GRM7: variants seen among roughly 807,000 people sequenced by gnomAD.
GRM7 encodes glutamate metabotropic receptor 7.
Under a neutral mutation model 84.5 loss-of-function variants are expected in GRM7, and 35 were observed. That is an observed-to-expected ratio of 0.41 (90% CI 0.32 to 0.55). GRM7 has a LOEUF of 0.55. Among genes scored for constraint, GRM7 ranks in the 20% least tolerant of loss-of-function variants. The probability of loss-of-function intolerance (pLI) is 0.19; values close to 1 mark genes in which losing one functional copy is unlikely to be tolerated. For synonymous variants in GRM7, 487 were observed against 455.1 expected, an observed-to-expected ratio of 1.07 and a Z score of -0.89; for missense variants, 1,003 against 1,194.6, an observed-to-expected ratio of 0.84 and a Z score of 2.36.
chr3:7,611,463 T>C (rs1375398206), intron 8 of GRM7, among the ~76,000 whole-genome samples: 1 of 152,138 alleles, frequency 6.6e-6, no homozygotes. Context: ...TCTCCCTGTC[T>C]CCACTGCTGC....
intron 1 of GRM7, among the ~76,000 whole-genome samples, chr3:7,035,362 A>C (rs925995278): frequency 3.9e-5 from 6 of 152,168 alleles, no homozygotes; most frequent in African/African-American, 1.4e-4. Flanking sequence ...CTGAGATAAA[A>C]TATGGTCACG....
At chr3:7,096,304 A>G (rs1440515576) in intron 1 of GRM7, among the ~76,000 whole-genome samples, 1 of 152,122 alleles carries the variant, frequency 6.6e-6, no homozygotes, top group Non-Finnish European at 1.5e-5. Flanking sequence ...CTTTAATTCA[A>G]TAGCCATACT....
chr3:7,590,394 C>T (rs575388115), intron 8 of GRM7, among the ~76,000 whole-genome samples: 7 of 152,266 alleles, frequency 4.6e-5, no homozygotes, highest in South Asian at 4.1e-4. Flanking sequence ...CAGCCTCATC[C>T]ATTCATCTAC....
chr3:7,657,669 A>G (rs1045275803), intron 8 of GRM7, among the ~76,000 whole-genome samples: 1 of 152,192 alleles, frequency 6.6e-6, no homozygotes, highest in Non-Finnish European at 1.5e-5. Context: ...AGCTCTCAGA[A>G]CGAATCACAC....
intron 7 of GRM7, among the ~76,000 whole-genome samples, chr3:7,496,687 T>C (rs147463917): frequency 0.013 from 1,925 of 152,156 alleles, 17 homozygotes; most frequent in Middle Eastern, 0.034. Context: ...GGTTATATAA[T>C]ATAATGCCCT....
chr3:6,937,945 T>G (rs1396912881), intron 1 of GRM7, among the ~76,000 whole-genome samples: 1 of 152,200 alleles, frequency 6.6e-6, no homozygotes, highest in African/African-American at 2.4e-5. Flanking sequence ...AGTCTCTTAA[T>G]AAGTAAATAC....
At chr3:7,264,159 A>C (rs1480745241) in intron 2 of GRM7, among the ~76,000 whole-genome samples, 1 of 152,136 alleles carries the variant, frequency 6.6e-6, no homozygotes, top group African/African-American at 2.4e-5. Flanking sequence ...GATCCTGGAA[A>C]AGGCCAACAT....
intron 1 of GRM7, among the ~76,000 whole-genome samples, chr3:6,867,375 G>A (rs949126138): frequency 6.6e-6 from 1 of 152,060 alleles, no homozygotes; most frequent in African/African-American, 2.4e-5. Context: ...ATTGATTTCA[G>A]CCTTTGTGAT....
At chr3:7,550,330 T>C in intron 7 of GRM7, among the ~76,000 whole-genome samples, 1 of 132,556 alleles carries the variant, frequency 7.5e-6, no homozygotes, top group Non-Finnish European at 1.6e-5. Context: ...CTTCCTCCCT[T>C]TCACCTTCCC....
intron 7 of GRM7, among the ~76,000 whole-genome samples, chr3:7,507,489 G>A (rs182629472): frequency 1.3e-5 from 2 of 152,310 alleles, no homozygotes; most frequent in East Asian, 3.9e-4. Flanking sequence ...CCAAAGATTT[G>A]TCAGACTAAA....
At chr3:6,998,138 A>AAAAAAAAAAAAGAAAAAAAAAGAC in intron 1 of GRM7, among the ~76,000 whole-genome samples, 1 of 148,448 alleles carries the variant, frequency 6.7e-6, no homozygotes, top group African/African-American at 2.5e-5. Flanking sequence ...AAAAAAAAAA[A>AAAAAAAAAAAAGAAAAAAAAAGAC]AGCAGGTTAG....
intron 1 of GRM7, among the ~76,000 whole-genome samples, chr3:6,941,179 G>A (rs1288308530): frequency 6.6e-6 from 1 of 152,118 alleles, no homozygotes; most frequent in Non-Finnish European, 1.5e-5. Flanking sequence ...TATCTTATGT[G>A]CCACTTACAC....
chr3:6,911,577 G>A (rs556659913), intron 1 of GRM7, among the ~76,000 whole-genome samples: 5 of 152,170 alleles, frequency 3.3e-5, no homozygotes, highest in African/African-American at 1.2e-4. Flanking sequence ...AGTCATCTCA[G>A]TAAATGTTTG....
chr3:7,190,101 G>A (rs1462273607), intron 2 of GRM7, among the ~76,000 whole-genome samples: 1 of 152,154 alleles, frequency 6.6e-6, no homozygotes, highest in Non-Finnish European at 1.5e-5. Flanking sequence ...TGTTGATTCT[G>A]TCTTGTGTCC....
At chr3:7,191,515 T>G (rs1695711525) in intron 2 of GRM7, among the ~76,000 whole-genome samples, 1 of 151,830 alleles carries the variant, frequency 6.6e-6, no homozygotes, top group Non-Finnish European at 1.5e-5. Context: ...ATAACCCATG[T>G]TTTTCAATGG....
rs551145520 is a variant in GRM7 at position 7,116,388 on chromosome 3, G to A, written c.520-30064G>A. Among the ~76,000 whole-genome samples the A allele has an allele frequency of 7.9e-5, 12 of 152,220 alleles. No individual in the cohort carries two copies. The South Asian group carries it at 1.0e-3, about 13-fold the overall frequency. ...GCATATTGAATATATAAAACCATCT[G>A]TCATTATGCCCACAGATGAGGAAAC... On this transcript the variant is annotated intron_variant, in intron 1 of 9. Transcript: ENST00000357716.
intron 8 of GRM7, among the ~76,000 whole-genome samples, chr3:7,606,465 T>G (rs1301873808): frequency 6.6e-6 from 1 of 152,136 alleles, no homozygotes; most frequent in African/African-American, 2.4e-5. Flanking sequence ...AACACACAAA[T>G]AAGCATAGAA....
At chr3:6,991,799 A>T (rs1357610070) in intron 1 of GRM7, among the ~76,000 whole-genome samples, 1 of 152,116 alleles carries the variant, frequency 6.6e-6, no homozygotes, top group Non-Finnish European at 1.5e-5. Context: ...AACACTTTAA[A>T]TCTATTCTCA....
intron 6 of GRM7, among the ~76,000 whole-genome samples, chr3:7,455,142 AAAAT>A (rs1216441052): frequency 6.6e-6 from 1 of 152,164 alleles, no homozygotes; most frequent in Non-Finnish European, 1.5e-5. Context: ...TATAACTCAT[AAAAT>A]AAATAACCAT....
Sources: gnomAD v4.1 joint callset for allele counts (sites outside exome capture counted in the v4.1 genomes callset) on GRCh38, gnomAD v4.1.1 for gene constraint, MANE v1.5 for transcripts, NCBI Gene and HGNC (gene_info 2026-07-23, HGNC 2026-07-21) for gene names.